The following PDZRN3 variants were observed in gnomAD, a reference collection of about 807,000 sequenced individuals.
PDZRN3 encodes PDZ domain containing ring finger 3.
In PDZRN3, 38 loss-of-function variants were observed where a neutral mutation model predicts 85.7. The observed-to-expected ratio is 0.44, with a 90% confidence interval of 0.34 to 0.58. The LOEUF is 0.58. Ranked by LOEUF, PDZRN3 falls within the 20% of genes least tolerant of loss-of-function variation. The pLI is 0.01. For synonymous variants in PDZRN3, 759 were observed against 638.0 expected, an observed-to-expected ratio of 1.19 and a Z score of -2.86; for missense variants, 1,629 against 1,506.4, an observed-to-expected ratio of 1.08 and a Z score of -1.35.
chr3:73,416,419 T>C (rs903510106), intron 3 of PDZRN3, among the ~76,000 whole-genome samples: 5 of 151,968 alleles, frequency 3.3e-5, no homozygotes, highest in Non-Finnish European at 7.4e-5. Context: ...TTAATTGTTC[T>C]GCTACTAGAT....
chr3:73,407,080 G>T (rs1274022496), intron 3 of PDZRN3, among the ~76,000 whole-genome samples: 1 of 152,188 alleles, frequency 6.6e-6, no homozygotes, highest in African/African-American at 2.4e-5. Flanking sequence ...TATCATGGTG[G>T]TCTTGGTCCT....
At chr3:73,554,369 C>T (rs1035413634) in intron 3 of PDZRN3, among the ~76,000 whole-genome samples, 2 of 151,896 alleles carry the variant, frequency 1.3e-5, no homozygotes, top group Admixed American at 6.6e-5. Context: ...CACACACACA[C>T]ACACACACAC....
In PDZRN3 at chr3:73,624,426, A is replaced by AC. The variant is rs1382900893; in HGVS notation, c.399_400insG (p.Cys134ValfsTer75). 5 of 1,306,772 alleles carry AC rather than the reference A, an allele frequency of 3.8e-6. No individual in the cohort carries two copies. The highest frequency in any genetic ancestry group is 4.1e-5 in the Admixed American group (1 of 24,238). 80.9% of individuals were successfully genotyped at this position (1,306,772 alleles called of 1,614,324 possible). A position where few individuals can be genotyped will look rare whatever the true frequency, so the allele number is the denominator to read the frequency against. On this transcript the variant is annotated frameshift_variant, in exon 1 of 10. Transcript: ENST00000263666. LOFTEE classifies it high-confidence loss of function. ...CAGCGGCCCACTGGCCGCGCGTCGC[A>AC]GGCGTCGCGCATGTGCGCCTCCACG... is the stretch of plus-strand genomic sequence containing the variant.
intron 3 of PDZRN3, among the ~76,000 whole-genome samples, chr3:73,554,634 T>C (rs954324492): frequency 3.3e-5 from 5 of 152,170 alleles, no homozygotes; most frequent in African/African-American, 9.7e-5. Flanking sequence ...AAGACTTCCA[T>C]ATCCCAACTT....
At chr3:73,606,839 G>A (rs543549880) in intron 2 of PDZRN3, among the ~76,000 whole-genome samples, 8 of 152,246 alleles carry the variant, frequency 5.3e-5, no homozygotes, top group African/African-American at 1.2e-4. Flanking sequence ...TTGAAACTGT[G>A]GAATGGGCTA....
chr3:73,522,611 C>T (rs994012791), intron 3 of PDZRN3, among the ~76,000 whole-genome samples: 3 of 152,180 alleles, frequency 2.0e-5, no homozygotes, highest in African/African-American at 7.2e-5. Flanking sequence ...CTCTTGGAAG[C>T]ACCTGATAAA....
Position 73,383,786 on chromosome 3 carries a change from C to T in PDZRN3, c.2780G>A (p.Ser927Asn). Reference protein sequence around the residue: ...PRMEWKVKIRSDGTRYITKRP... With the variant: ...PRMEWKVKIRNDGTRYITKRP... The stretch of plus-strand genomic sequence containing the variant: ...CTTGGTGATGTAGCGCGTCCCGTCG[C>T]TGCGGATCTTCACCTTCCACTCCAT... The change falls in exon 10 of 10, where the codon AGC becomes AAC. Residue 927 changes from serine (S) to asparagine (N), a missense_variant. Physicochemically the swap from Ser to Asn is conservative, Grantham distance 46. Transcript: ENST00000263666. The T allele has an allele frequency of 6.2e-7, 1 of 1,613,528 alleles. No homozygotes were observed. Among genetic ancestry groups the T allele is most frequent in the Non-Finnish European group, 8.5e-7 (1 of 1,180,008 alleles).
chr3:73,552,748 G>A (rs1287554034), intron 3 of PDZRN3, among the ~76,000 whole-genome samples: 2 of 152,226 alleles, frequency 1.3e-5, no homozygotes, highest in Admixed American at 6.5e-5. Flanking sequence ...CTTGGAAGAA[G>A]TATGATTAAT....
chr3:73,520,453 G>C (rs779806052), intron 3 of PDZRN3, among the ~76,000 whole-genome samples: 2 of 151,674 alleles, frequency 1.3e-5, no homozygotes, highest in African/African-American at 4.9e-5. Flanking sequence ...GCAGTGAGCC[G>C]AGATCCCACC....
intron 3 of PDZRN3, among the ~76,000 whole-genome samples, chr3:73,552,575 T>G (rs1701589536): frequency 6.6e-6 from 1 of 152,176 alleles, no homozygotes; most frequent in Admixed American, 6.5e-5. Context: ...ACAGTAGCTT[T>G]CAAAAGAACA....
intron 3 of PDZRN3, among the ~76,000 whole-genome samples, chr3:73,472,981 C>A (rs183253014): frequency 1.6e-3 from 248 of 152,232 alleles, no homozygotes; most frequent in African/African-American, 5.2e-3. Context: ...ATTTAATTAA[C>A]GTGCAGTGAA....
intron 1 of PDZRN3, among the ~76,000 whole-genome samples, chr3:73,619,237 C>T (rs188396053): frequency 1.9e-3 from 291 of 152,270 alleles, no homozygotes; most frequent in African/African-American, 6.4e-3. Context: ...CCAAGACAGG[C>T]CTTTCAATCT....
intron 3 of PDZRN3, among the ~76,000 whole-genome samples, chr3:73,445,181 C>A (rs567257793): frequency 1.3e-5 from 2 of 152,274 alleles, no homozygotes; most frequent in East Asian, 3.9e-4. Flanking sequence ...CAAACCACAG[C>A]CAGAAGTGGA....
chr3:73,551,574 A>G (rs1289464454), intron 3 of PDZRN3, among the ~76,000 whole-genome samples: 1 of 151,784 alleles, frequency 6.6e-6, no homozygotes, highest in East Asian at 1.9e-4. Context: ...CTGTGGTCCC[A>G]GCTATTTGGG....
At chr3:73,503,715 C>A (rs1704022477) in intron 3 of PDZRN3, among the ~76,000 whole-genome samples, 1 of 140,232 alleles carries the variant, frequency 7.1e-6, no homozygotes, top group South Asian at 2.2e-4. Flanking sequence ...GAACTCAACT[C>A]TCTCAGTGCA....
intron 3 of PDZRN3, among the ~76,000 whole-genome samples, chr3:73,426,705 C>A (rs891661171): frequency 6.6e-6 from 1 of 152,176 alleles, no homozygotes; most frequent in Non-Finnish European, 1.5e-5. Flanking sequence ...GGCTCCTAAA[C>A]GTGAACTTGC....
At chr3:73,398,561 C>T (rs1307388670) in intron 5 of PDZRN3, among the ~76,000 whole-genome samples, 2 of 152,204 alleles carry the variant, frequency 1.3e-5, no homozygotes, top group South Asian at 2.1e-4. Context: ...TCCTACCACA[C>T]TTTGAACAAC....
At chr3:73,549,154 T>C (rs939366309) in intron 3 of PDZRN3, among the ~76,000 whole-genome samples, 13 of 152,208 alleles carry the variant, frequency 8.5e-5, no homozygotes, top group African/African-American at 2.9e-4. Context: ...TCCTTCCTTA[T>C]AGCTAAGCGA....
At chr3:73,573,615 C>T (rs1443213099) in intron 3 of PDZRN3, among the ~76,000 whole-genome samples, 1 of 152,184 alleles carries the variant, frequency 6.6e-6, no homozygotes, top group Non-Finnish European at 1.5e-5. Flanking sequence ...TACCATCTGG[C>T]TCTTTACAGG....
Sources: gnomAD v4.1 joint callset for allele counts (sites outside exome capture counted in the v4.1 genomes callset) on GRCh38, gnomAD v4.1.1 for gene constraint, MANE v1.5 for transcripts, NCBI Gene and HGNC (gene_info 2026-07-23, HGNC 2026-07-21) for gene names.